The following GNAS-AS1 variants were observed in gnomAD, a reference collection of about 807,000 sequenced individuals.
The protein encoded by GNAS-AS1 is GNAS antisense RNA 1, also known as GNAS antisense RNA 1 (non-protein coding).
chr20:58,845,865 G>A (rs1351509625), intron 2 of GNAS-AS1, among the ~76,000 whole-genome samples: 1 of 152,206 alleles, frequency 6.6e-6, no homozygotes, highest in African/African-American at 2.4e-5. Context: ...AGCAGAGGCA[G>A]GACTCTGCCT....
At chr20:58,838,782 T>G in intron 4 of GNAS-AS1, 1 of 386,638 alleles carries the variant, frequency 2.6e-6, no homozygotes, top group Non-Finnish European at 4.6e-6. Context: ...CCGAGCGTAG[T>G]GGTGCACGCC....
At chr20:58,850,859 C>A in exon 1 of GNAS-AS1, 1 of 398,904 alleles carries the variant, frequency 2.5e-6, no homozygotes, top group Non-Finnish European at 4.4e-6. Context: ...GGCTTCCAAC[C>A]ACCCCAGCAG....
intron 4 of GNAS-AS1, among the ~76,000 whole-genome samples, chr20:58,838,199 C>T (rs921080305): frequency 6.6e-6 from 1 of 152,194 alleles, no homozygotes. Flanking sequence ...ACCCCATAAT[C>T]ATCATGGAGG....
At chr20:58,823,753 G>C (rs1410682851) in intron 4 of GNAS-AS1, among the ~76,000 whole-genome samples, 2 of 152,220 alleles carry the variant, frequency 1.3e-5, no homozygotes, top group African/African-American at 4.8e-5. Context: ...ACTTGGCAAT[G>C]GGGGAAATCA....
chr20:58,848,827 T>C (rs920506118), intron 2 of GNAS-AS1: 1 of 398,464 alleles, frequency 2.5e-6, no homozygotes, highest in African/African-American at 2.1e-5. Context: ...TTGGCCACAC[T>C]TCTGGGGTCC....
chr20:58,826,053 C>G lies in GNAS-AS1; in HGVS notation n.820-6798G>C, dbSNP rs2085518185. 6 of 398,644 alleles carry G rather than the reference C, an allele frequency of 1.5e-5. No homozygotes were observed. In the East Asian group the frequency reaches 2.1e-4, roughly 14 times the overall value. The allele number at this position is 398,644 out of a possible 1,614,324, so 24.7% of individuals were successfully genotyped here. On this transcript the variant is annotated intron_variant and non_coding_transcript_variant, in intron 4 of 4. Coordinates refer to ENST00000424094, the Ensembl canonical transcript of GNAS-AS1. ...TAGACGATGACTTCAGCGAGAAAGACAGATGAGCAAATGTCACTTTCATGC... is the reference window on the plus strand; with the variant it reads ...TAGACGATGACTTCAGCGAGAAAGAGAGATGAGCAAATGTCACTTTCATGC...
At chr20:58,850,764 C>A in exon 1 of GNAS-AS1, 1 of 398,860 alleles carries the variant, frequency 2.5e-6, no homozygotes, top group Non-Finnish European at 4.4e-6. Flanking sequence ...GGCTCGGCAA[C>A]CTGTGGCATG....
chr20:58,836,690 C>T (rs754266476), intron 4 of GNAS-AS1, among the ~76,000 whole-genome samples: 5 of 152,180 alleles, frequency 3.3e-5, no homozygotes, highest in South Asian at 2.1e-4. Flanking sequence ...AAGTCACGCA[C>T]GTAATGCATT....
chr20:58,838,690 G>A, intron 4 of GNAS-AS1: 1 of 244,914 alleles, frequency 4.1e-6, no homozygotes. Context: ...GGCCGAGGCG[G>A]GCGGATCACT....
chr20:58,840,900 C>A lies in GNAS-AS1; in HGVS notation n.819+1037G>T, dbSNP rs1373501209. On this transcript the variant is annotated intron_variant and non_coding_transcript_variant, in intron 4 of 4. Coordinates refer to ENST00000424094, the Ensembl canonical transcript of GNAS-AS1. This position sits in a 1 kb window ranked among gnomAD's most constrained non-coding sequence, Gnocchi z 6.0. ...TCATGGATTCAGGTTAGTTGCCCAC[C>A]GCTAAACTGGGGAGCCTGAGGGCGG... is the stretch of plus-strand genomic sequence containing the variant. 10 of 1,611,894 alleles carry A rather than the reference C, an allele frequency of 6.2e-6. No individual in the cohort carries two copies. Among genetic ancestry groups the A allele is most frequent in the South Asian group, 1.1e-5 (1 of 90,888 alleles).
chr20:58,823,931 AG>A, intron 4 of GNAS-AS1: 1 of 398,408 alleles, frequency 2.5e-6, no homozygotes, highest in Non-Finnish European at 4.4e-6. Flanking sequence ...ATCGATACAT[AG>A]GTCCAGCACA....
At chr20:58,826,056 A>G (rs961831094) in intron 4 of GNAS-AS1, 4 of 398,540 alleles carry the variant, frequency 1.0e-5, no homozygotes, top group South Asian at 1.3e-4. Flanking sequence ...AGAAAGACAG[A>G]TGAGCAAATG....
At chr20:58,822,362 G>A (rs1200019934) in intron 4 of GNAS-AS1, among the ~76,000 whole-genome samples, 1 of 152,222 alleles carries the variant, frequency 6.6e-6, no homozygotes, top group Admixed American at 6.5e-5. Context: ...AGTGGTGGCA[G>A]GCACAGGGGT....
intron 2 of GNAS-AS1, among the ~76,000 whole-genome samples, chr20:58,848,654 A>C (rs926887797): frequency 7.2e-5 from 11 of 152,130 alleles, no homozygotes; most frequent in Non-Finnish European, 1.0e-4. Context: ...AGCTAGCAAA[A>C]TTATCAGCCT....
exon 1 of GNAS-AS1, chr20:58,850,703 C>A (rs530438616): frequency 2.5e-6 from 1 of 398,908 alleles, no homozygotes; most frequent in East Asian, 3.6e-5. Context: ...GTTAGCCTGC[C>A]GCCATCAACA....
At chr20:58,846,171 TAGA>T (rs1387198203) in intron 2 of GNAS-AS1, among the ~76,000 whole-genome samples, 1 of 152,006 alleles carries the variant, frequency 6.6e-6, no homozygotes, top group East Asian at 1.9e-4. Flanking sequence ...AAAGAAGATT[TAGA>T]AATGGGGAAG....
chr20:58,841,751 C>CG lies in GNAS-AS1; in HGVS notation n.819+185dup. 1 of 1,228,838 alleles carries CG rather than the reference C, an allele frequency of 8.1e-7. No individual in the cohort carries two copies. Among genetic ancestry groups the CG allele is most frequent in the Non-Finnish European group, 1.0e-6 (1 of 986,584 alleles). The allele number at this position is 1,228,838 out of a possible 1,614,324, so 76.1% of individuals were successfully genotyped here. ...GTTGAACGCACAGGCATGGTCACGT[C>CG]GGGGTATTGCCAAGCTTTTGGCGCA... On this transcript the variant is annotated intron_variant and non_coding_transcript_variant, in intron 4 of 4. Transcript: ENST00000424094. The surrounding 1 kb of genome is among the most constrained non-coding windows in gnomAD (Gnocchi z 5.0).
At chr20:58,819,617 C>T (rs2085471842) in intron 4 of GNAS-AS1, among the ~76,000 whole-genome samples, 1 of 151,956 alleles carries the variant, frequency 6.6e-6, no homozygotes, top group Non-Finnish European at 1.5e-5. Flanking sequence ...TCTTCAGGGC[C>T]CTCAAGAACA....
exon 5 of GNAS-AS1, chr20:58,819,008 T>C (rs1435604598): frequency 7.5e-6 from 3 of 398,428 alleles, no homozygotes; most frequent in African/African-American, 2.1e-5. Context: ...GCAGAAAATG[T>C]GATACAGAAA....
Sources: gnomAD v4.1 joint callset for allele counts (sites outside exome capture counted in the v4.1 genomes callset) on GRCh38, gnomAD v4.1.1 for gene constraint, Gnocchi (gnomAD v3.1) non-coding constraint, MANE v1.5 for transcripts, NCBI Gene and HGNC (gene_info 2026-07-23, HGNC 2026-07-21) for gene names.